Variants in BLTP1 observed in about 807,000 individuals in gnomAD.
BLTP1 encodes the protein fragile site-associated protein.
the BLTP1 span, among the ~76,000 whole-genome samples, chr4:122,355,042 T>C: frequency 2.0e-5 from 3 of 152,092 alleles, no homozygotes; most frequent in Admixed American, 6.6e-5. Context: ...TCTCATGGAT[T>C]GAATAGAGAC....
the BLTP1 span, chr4:122,235,008 C>A: frequency 6.3e-7 from 1 of 1,598,486 alleles, no homozygotes; most frequent in South Asian, 1.1e-5. Context: ...TAAAGAAATT[C>A]CCAAAATTAT....
the BLTP1 span, chr4:122,152,524 G>A: frequency 1.0e-6 from 1 of 985,932 alleles, no homozygotes; most frequent in Non-Finnish European, 1.2e-6. Context: ...GCCGCCCAAG[G>A]CCCTCGGCGT....
the BLTP1 span, among the ~76,000 whole-genome samples, chr4:122,173,707 A>G: frequency 6.6e-6 from 1 of 152,160 alleles, no homozygotes; most frequent in African/African-American, 2.4e-5. Context: ...ACAGCACTCC[A>G]TTACTTCATG....
chr4:122,163,880 A>T, the BLTP1 span, among the ~76,000 whole-genome samples: 3 of 152,202 alleles, frequency 2.0e-5, no homozygotes, highest in African/African-American at 7.2e-5. Flanking sequence ...CTGTTGTTCC[A>T]TAATAACTGC....
the BLTP1 span, among the ~76,000 whole-genome samples, chr4:122,304,299 A>T: frequency 6.6e-6 from 1 of 151,494 alleles, no homozygotes; most frequent in Non-Finnish European, 1.5e-5. Context: ...GCAACCTCCG[A>T]CTCCCTGGTT....
At chr4:122,268,414 T>C in the BLTP1 span, among the ~76,000 whole-genome samples, 8 of 152,200 alleles carry the variant, frequency 5.3e-5, no homozygotes, top group South Asian at 2.1e-4. Context: ...TCCTTTGCAC[T>C]TTCAATGTCA....
chr4:122,206,850 T>A, the BLTP1 span, among the ~76,000 whole-genome samples: 4 of 151,610 alleles, frequency 2.6e-5, no homozygotes, highest in Non-Finnish European at 5.9e-5. Flanking sequence ...GATTTTTTTT[T>A]AATTTTCTAA....
At chr4:122,174,581 CT>C in the BLTP1 span, 1 of 1,609,484 alleles carries the variant, frequency 6.2e-7, no homozygotes, top group Non-Finnish European at 8.5e-7. Flanking sequence ...CAGGTTCCTT[CT>C]CTTTCTCTGT....
At chr4:122,262,001 G>T in the BLTP1 span, 3 of 985,322 alleles carry the variant, frequency 3.0e-6, no homozygotes, top group African/African-American at 1.7e-5. Context: ...TTAGCAAAAA[G>T]CCTCTAGTTT....
At chr4:122,318,032 T>G in the BLTP1 span, 1 of 1,120,870 alleles carries the variant, frequency 8.9e-7, no homozygotes, top group Non-Finnish European at 1.2e-6. Context: ...GGGTTTTGGC[T>G]TGTCTGTATA....
chr4:122,323,440 CTTTTTTTT>C, the BLTP1 span, among the ~76,000 whole-genome samples: 1 of 140,406 alleles, frequency 7.1e-6, no homozygotes, highest in African/African-American at 2.6e-5. Flanking sequence ...AGAGAACCCT[CTTTTTTTT>C]TTTTTTTAAC....
chr4:122,232,615 T>A, the BLTP1 span, among the ~76,000 whole-genome samples: 1 of 151,738 alleles, frequency 6.6e-6, no homozygotes, highest in Non-Finnish European at 1.5e-5. Context: ...TCAAAAAAAA[T>A]AAGATAAAAA....
chr4:122,328,096 A>ACAAT, the BLTP1 span: 1 of 1,504,004 alleles, frequency 6.6e-7, no homozygotes, highest in Non-Finnish European at 9.0e-7. Flanking sequence ...TTTTCTTTTT[A>ACAAT]CAATCAGTTT....
chr4:122,184,623 G>A, the BLTP1 span: 5 of 867,278 alleles, frequency 5.8e-6, no homozygotes, highest in African/African-American at 9.1e-5. Flanking sequence ...CTGGGCAACA[G>A]AGGGAGACTC....
At chr4:122,152,428 C>G in the BLTP1 span, 1 of 985,362 alleles carries the variant, frequency 1.0e-6, no homozygotes, top group South Asian at 4.7e-5. Context: ...GCGGCGGCCC[C>G]GGGCGGCGGG....
At chr4:122,254,666 C>G in the BLTP1 span, 1 of 1,162,314 alleles carries the variant, frequency 8.6e-7, no homozygotes, top group Non-Finnish European at 1.1e-6. Context: ...GTTATGCTTT[C>G]ATAATTTATC....
chr4:122,320,083 G>A, the BLTP1 span, among the ~76,000 whole-genome samples: 5 of 152,132 alleles, frequency 3.3e-5, no homozygotes, highest in African/African-American at 1.2e-4. Flanking sequence ...GTCTCAAACT[G>A]TAATAGTGGA....
At chr4:122,255,440 T>C in the BLTP1 span, among the ~76,000 whole-genome samples, 2 of 152,200 alleles carry the variant, frequency 1.3e-5, no homozygotes, top group African/African-American at 4.8e-5. Context: ...TTGGATCATT[T>C]GAGGCCAAGA....
At chr4:122,209,812 T>TA in the BLTP1 span, 1 of 1,613,132 alleles carries the variant, frequency 6.2e-7, no homozygotes, top group African/African-American at 1.3e-5. Flanking sequence ...GTTTTACTCT[T>TA]CAAAGGTCTG....
Sources: allele counts gnomAD v4.1 joint callset (sites outside exome capture counted in the v4.1 genomes callset), GRCh38; gene constraint gnomAD v4.1.1; transcripts MANE v1.5; gene names NCBI Gene and HGNC (gene_info 2026-07-23, HGNC 2026-07-21).